Variants in C12orf42 observed in about 807,000 individuals in gnomAD.
C12orf42 encodes uncharacterized protein C12orf42.
C12orf42 carries 25 observed loss-of-function variants against 21.6 expected under a neutral mutation model. The observed-to-expected ratio is 1.16, with a 90% CI of 0.84 to 1.62. The LOEUF (loss-of-function observed/expected upper bound fraction) is 1.62, where lower values mean the gene tolerates loss of function less well. C12orf42 is among the 40% of genes most tolerant of loss of function. The probability of loss-of-function intolerance (pLI) is 0.00; values close to 1 mark genes in which losing one functional copy is unlikely to be tolerated. For synonymous variants in C12orf42, 174 were observed against 175.0 expected, an observed-to-expected ratio of 0.99 and a Z score of 0.05; for missense variants, 483 against 459.3, an observed-to-expected ratio of 1.05 and a Z score of -0.47.
chr12:103,192,715 A>G, the C12orf42 span, among the ~76,000 whole-genome samples: 1 of 152,212 alleles, frequency 6.6e-6, no homozygotes, highest in African/African-American at 2.4e-5. Context: ...ATATATTTTT[A>G]TCCAGCATCA....
chr12:103,338,600 C>G (rs576545081), intron 4 of C12orf42, among the ~76,000 whole-genome samples: 173 of 152,288 alleles, frequency 1.1e-3, no homozygotes, highest in African/African-American at 4.0e-3. Context: ...TTGTAGAGCC[C>G]CTCCACAAGA....
chr12:103,065,361 A>AC, the C12orf42 span, among the ~76,000 whole-genome samples: 1 of 152,342 alleles, frequency 6.6e-6, no homozygotes, highest in East Asian at 1.9e-4. Flanking sequence ...GCAGCCATTG[A>AC]CTTGGGGAAT....
intron 3 of C12orf42, among the ~76,000 whole-genome samples, chr12:103,386,682 T>C (rs929856794): frequency 2.0e-5 from 3 of 152,226 alleles, no homozygotes; most frequent in Non-Finnish European, 4.4e-5. Flanking sequence ...ATAGGATTGC[T>C]CTAAAGACTC....
At chr12:103,195,604 G>T in the C12orf42 span, among the ~76,000 whole-genome samples, 1 of 151,966 alleles carries the variant, frequency 6.6e-6, no homozygotes, top group Non-Finnish European at 1.5e-5. Flanking sequence ...TTTGCAAATT[G>T]TCTGTTCATG....
chr12:103,095,349 C>A, the C12orf42 span, among the ~76,000 whole-genome samples: 1 of 152,180 alleles, frequency 6.6e-6, no homozygotes, highest in Non-Finnish European at 1.5e-5. Context: ...CTTTTCCTAC[C>A]TTGCCACTCC....
At chr12:103,408,123 A>G (rs1333627505) in intron 2 of C12orf42, among the ~76,000 whole-genome samples, 2 of 152,208 alleles carry the variant, frequency 1.3e-5, no homozygotes, top group African/African-American at 4.8e-5. Flanking sequence ...TGTGTAAGGT[A>G]TAACATCAAA....
intron 2 of C12orf42, among the ~76,000 whole-genome samples, chr12:103,453,921 G>A (rs1239657314): frequency 6.6e-6 from 1 of 152,010 alleles, no homozygotes; most frequent in Non-Finnish European, 1.5e-5. Flanking sequence ...TAAGCACTTA[G>A]AGGCAGGACA....
chr12:103,282,806 C>T (rs998436097), intron 4 of C12orf42, among the ~76,000 whole-genome samples: 3 of 152,166 alleles, frequency 2.0e-5, no homozygotes, highest in African/African-American at 7.2e-5. Context: ...TTCTTGAGTC[C>T]TCTGTCCCAA....
the C12orf42 span, among the ~76,000 whole-genome samples, chr12:103,143,614 T>C: frequency 6.6e-6 from 1 of 152,234 alleles, no homozygotes; most frequent in South Asian, 2.1e-4. Context: ...TCCATTTATG[T>C]GAGAGGAATG....
the C12orf42 span, among the ~76,000 whole-genome samples, chr12:103,159,303 G>A: frequency 0.017 from 2,539 of 152,258 alleles, 29 homozygotes; most frequent in South Asian, 0.034. Context: ...AGTGGTGCAT[G>A]TCTACAGAGG....
intron 4 of C12orf42, among the ~76,000 whole-genome samples, chr12:103,279,554 A>T (rs1314381605): frequency 6.6e-6 from 1 of 152,146 alleles, no homozygotes; most frequent in Non-Finnish European, 1.5e-5. Flanking sequence ...TCCCCCAGGA[A>T]CTCACCTTCC....
chr12:103,175,970 T>A, the C12orf42 span, among the ~76,000 whole-genome samples: 93 of 152,318 alleles, frequency 6.1e-4, 2 homozygotes, highest in Admixed American at 7.8e-4. Flanking sequence ...CACTGGACAC[T>A]GATCCTCCAT....
At chr12:103,311,443 G>A (rs1443014783) in intron 4 of C12orf42, among the ~76,000 whole-genome samples, 1 of 151,984 alleles carries the variant, frequency 6.6e-6, no homozygotes, top group Non-Finnish European at 1.5e-5. Flanking sequence ...ACCTTCTAGT[G>A]TCTCAGATCC....
At chr12:103,200,611 T>C in the C12orf42 span, among the ~76,000 whole-genome samples, 1 of 152,202 alleles carries the variant, frequency 6.6e-6, no homozygotes, top group Non-Finnish European at 1.5e-5. Flanking sequence ...GTTGTACACA[T>C]TAATTATGTA....
At chr12:103,289,000 A>T (rs1489262157) in intron 4 of C12orf42, among the ~76,000 whole-genome samples, 1 of 152,200 alleles carries the variant, frequency 6.6e-6, no homozygotes, top group African/African-American at 2.4e-5. Flanking sequence ...TTTAGACATA[A>T]TTGGAACAAG....
At chr12:103,414,757 T>G (rs961718070) in intron 2 of C12orf42, among the ~76,000 whole-genome samples, 2 of 152,192 alleles carry the variant, frequency 1.3e-5, no homozygotes, top group Non-Finnish European at 1.5e-5. Flanking sequence ...ATCCTGAAAC[T>G]TTACTAAAGT....
At chr12:103,491,879 T>G (rs932765570) in intron 1 of C12orf42, among the ~76,000 whole-genome samples, 2 of 152,144 alleles carry the variant, frequency 1.3e-5, no homozygotes, top group African/African-American at 4.8e-5. Flanking sequence ...GCCAGGACTC[T>G]GAAGGGAAAA....
intron 4 of C12orf42, among the ~76,000 whole-genome samples, chr12:103,355,371 G>GT (rs2043452707): frequency 1.3e-5 from 2 of 152,132 alleles, no homozygotes; most frequent in African/African-American, 4.8e-5. Flanking sequence ...CTGTATTGGT[G>GT]TATGTATCTG....
At chr12:103,372,551 C>T (rs2045347854) in intron 3 of C12orf42, among the ~76,000 whole-genome samples, 1 of 152,068 alleles carries the variant, frequency 6.6e-6, no homozygotes. Flanking sequence ...CTGGCCTCAC[C>T]CTAAAACCTG....
Sources: gnomAD v4.1 joint callset for allele counts (sites outside exome capture counted in the v4.1 genomes callset) on GRCh38, gnomAD v4.1.1 for gene constraint, MANE v1.5 for transcripts, NCBI Gene and HGNC (gene_info 2026-07-23, HGNC 2026-07-21) for gene names.